EPHA6: variants seen among roughly 807,000 people sequenced by gnomAD.
The protein encoded by EPHA6 is ephrin type-A receptor 6.
A neutral mutation model predicts 112.0 loss-of-function variants in EPHA6; 50 were observed. That is an observed-to-expected ratio of 0.45 (90% CI 0.36 to 0.56). The LOEUF (loss-of-function observed/expected upper bound fraction) is 0.56, where lower values mean the gene tolerates loss of function less well. EPHA6 is among the 20% of genes least tolerant of loss of function. The probability of loss-of-function intolerance (pLI) is 0.00; values close to 1 mark genes in which losing one functional copy is unlikely to be tolerated. For missense variants in EPHA6, 1,280 were observed against 1,417.4 expected (o/e 0.90, Z 1.56); for synonymous variants, 529 against 490.7 (o/e 1.08, Z -1.03).
At chr3:97,270,275 T>C (rs2079835332) in intron 5 of EPHA6, among the ~76,000 whole-genome samples, 1 of 152,208 alleles carries the variant, frequency 6.6e-6, no homozygotes, top group African/African-American at 2.4e-5. Context: ...TAACACACTT[T>C]CTACTTTTCA....
chr3:96,814,859 G>A lies in EPHA6; in HGVS notation c.236G>A (p.Cys79Tyr). 1 of 1,561,798 alleles carries A rather than the reference G, an allele frequency of 6.4e-7. No individual in the cohort carries two copies. The highest frequency in any genetic ancestry group is 1.2e-5 in the South Asian group (1 of 85,252). ...CCTACCCAGAACACCTGCCTGCGCT[G>A]CCGCCACTTCTCTTTAAGGGAGAGG... ...PHPTQNTCLR[C>Y]RHFSLRERKR... Residue 79 changes from cysteine (C) to tyrosine (Y), a missense_variant, in exon 1 of 18, where the codon TGC becomes TAC. This residue lies in a region of EPHA6 where 220 missense variants were observed against 171.5 expected (regional missense o/e 1.28). Transcript: ENST00000389672.
At chr3:97,515,177 C>A (rs989985336) in intron 10 of EPHA6, among the ~76,000 whole-genome samples, 2 of 152,176 alleles carry the variant, frequency 1.3e-5, no homozygotes, top group African/African-American at 4.8e-5. Flanking sequence ...AATAACACTA[C>A]TATCCAATTC....
At chr3:97,193,362 G>A (rs1013677853) in intron 3 of EPHA6, among the ~76,000 whole-genome samples, 14 of 151,854 alleles carry the variant, frequency 9.2e-5, no homozygotes, top group Admixed American at 7.9e-4. Context: ...CATTTGTTTG[G>A]TTAAGTCTTT....
intron 5 of EPHA6, among the ~76,000 whole-genome samples, chr3:97,270,988 G>C (rs1408119272): frequency 2.0e-5 from 3 of 152,218 alleles, no homozygotes; most frequent in Admixed American, 2.0e-4. Flanking sequence ...AGGAAAAGAA[G>C]TATATAGCCC....
At chr3:96,849,461 A>G (rs2035262680) in intron 1 of EPHA6, among the ~76,000 whole-genome samples, 1 of 152,138 alleles carries the variant, frequency 6.6e-6, no homozygotes, top group Non-Finnish European at 1.5e-5. Context: ...ATATAACGTC[A>G]TGTTAACTTT....
chr3:97,462,434 C>T (rs1328869393), intron 7 of EPHA6, among the ~76,000 whole-genome samples: 2 of 152,048 alleles, frequency 1.3e-5, no homozygotes, highest in South Asian at 2.1e-4. Flanking sequence ...GGCAAAAGAC[C>T]TTTTGTAGGA....
At chr3:97,697,500 T>C (rs2033116479) in intron 14 of EPHA6, among the ~76,000 whole-genome samples, 3 of 152,190 alleles carry the variant, frequency 2.0e-5, no homozygotes, top group Admixed American at 1.3e-4. Flanking sequence ...TAGTCCGTCA[T>C]GAAAACCTTA....
At chr3:96,886,014 C>A (rs2037598975) in intron 2 of EPHA6, among the ~76,000 whole-genome samples, 1 of 152,156 alleles carries the variant, frequency 6.6e-6, no homozygotes, top group African/African-American at 2.4e-5. Flanking sequence ...TATTTAATTT[C>A]TGTGTATTTG....
intron 11 of EPHA6, among the ~76,000 whole-genome samples, chr3:97,532,997 A>G (rs867025607): frequency 3.2e-4 from 48 of 152,000 alleles, no homozygotes; most frequent in African/African-American, 1.1e-3. Context: ...ATTAGGAGTA[A>G]ATTATTATAA....
At chr3:97,365,954 T>C (rs2084701222) in intron 5 of EPHA6, among the ~76,000 whole-genome samples, 1 of 152,180 alleles carries the variant, frequency 6.6e-6, no homozygotes, top group Admixed American at 6.5e-5. Flanking sequence ...ATTCAGCCAC[T>C]CAGTGGAGTA....
intron 3 of EPHA6, among the ~76,000 whole-genome samples, chr3:97,196,577 C>T (rs147717273): frequency 2.7e-4 from 41 of 152,106 alleles, no homozygotes; most frequent in African/African-American, 7.9e-4. Flanking sequence ...ATATTTATTA[C>T]GGTCATTTCA....
intron 3 of EPHA6, among the ~76,000 whole-genome samples, chr3:97,093,021 C>T (rs1450960457): frequency 6.6e-6 from 1 of 152,078 alleles, no homozygotes; most frequent in Admixed American, 6.6e-5. Flanking sequence ...CTGGAGAAGG[C>T]TGACTAGCTT....
At chr3:97,744,021 T>C (rs1260420099) in intron 16 of EPHA6, among the ~76,000 whole-genome samples, 2 of 151,980 alleles carry the variant, frequency 1.3e-5, no homozygotes, top group Non-Finnish European at 2.9e-5. Context: ...GAGCTACTCA[T>C]TTTTAAACAT....
chr3:96,960,352 A>G (rs2041910660), intron 2 of EPHA6, among the ~76,000 whole-genome samples: 1 of 152,070 alleles, frequency 6.6e-6, no homozygotes, highest in Non-Finnish European at 1.5e-5. Flanking sequence ...AGCCGGTTCC[A>G]GAGATCTCTG....
At chr3:97,413,841 A>G (rs1374714768) in intron 6 of EPHA6, among the ~76,000 whole-genome samples, 2 of 151,864 alleles carry the variant, frequency 1.3e-5, no homozygotes. Context: ...TTAAATATAA[A>G]TTTCAAGATA....
intron 14 of EPHA6, among the ~76,000 whole-genome samples, chr3:97,719,509 G>C (rs1293820255): frequency 6.6e-6 from 1 of 151,856 alleles, no homozygotes; most frequent in African/African-American, 2.4e-5. Flanking sequence ...CAGTAAAAAG[G>C]GATTTATAGA....
chr3:96,909,887 T>A (rs547163333), intron 2 of EPHA6, among the ~76,000 whole-genome samples: 1 of 152,106 alleles, frequency 6.6e-6, no homozygotes, highest in African/African-American at 2.4e-5. Flanking sequence ...TCTGTGTATC[T>A]CTGAGCATAT....
At chr3:97,646,483 G>A (rs529854329) in intron 14 of EPHA6, among the ~76,000 whole-genome samples, 1 of 152,112 alleles carries the variant, frequency 6.6e-6, no homozygotes. Flanking sequence ...CGTGCTCTAG[G>A]TCTGACATAT....
At chr3:97,260,010 AG>A (rs1432706922) in intron 5 of EPHA6, among the ~76,000 whole-genome samples, 2 of 152,182 alleles carry the variant, frequency 1.3e-5, no homozygotes, top group African/African-American at 4.8e-5. Context: ...CATATTGGTC[AG>A]GCTGGTCTGG....
Sources: gnomAD v4.1 joint callset for allele counts (sites outside exome capture counted in the v4.1 genomes callset) on GRCh38, gnomAD v4.1.1 for gene constraint, gnomAD v4.1.1 regional missense constraint, MANE v1.5 for transcripts, NCBI Gene and HGNC (gene_info 2026-07-23, HGNC 2026-07-21) for gene names.